RNF213: variants seen among roughly 807,000 people sequenced by gnomAD.
RNF213 encodes the protein E3 ubiquitin-protein ligase RNF213.
A neutral mutation model predicts 514.4 loss-of-function variants in RNF213; 341 were observed. The ratio of observed to expected loss-of-function variants is 0.66; its 90% CI spans 0.61 to 0.73. RNF213 has a LOEUF of 0.73. Among genes scored for constraint, RNF213 ranks in the 30% least tolerant of loss-of-function variants. RNF213 has a pLI of 0.00. For synonymous variants in RNF213, 2,655 were observed against 2,658.2 expected (o/e 1.00, Z 0.04); for missense variants, 5,767 against 6,615.6 (o/e 0.87, Z 4.45).
At chr17:80,295,440 G>A in intron 9 of RNF213, 117 bp from the exon 10 acceptor site, 1 of 1,302,166 alleles carries the variant, frequency 7.7e-7, no homozygotes, top group Non-Finnish European at 1.1e-6. Flanking sequence ...TCTCACAGGT[G>A]TGGTGGTGGG....
chr17:80,373,674 G>C (rs2079616354), intron 49 of RNF213, among the ~76,000 whole-genome samples: 1 of 152,142 alleles, frequency 6.6e-6, no homozygotes, highest in African/African-American at 2.4e-5. Context: ...GCAAGAGCAA[G>C]AACTAGGAAT....
Position 80,353,188 on chromosome 17 carries a change from C to T in RNF213, c.10423+129C>T, listed in dbSNP as rs2078595531. The T allele has an allele frequency of 3.1e-6, 4 of 1,287,616 alleles. No homozygotes were observed. The African/African-American group carries it at 5.8e-5, about 19-fold the overall frequency. The allele number at this position is 1,287,616 out of a possible 1,614,324, so 79.8% of individuals were successfully genotyped here. Reference sequence around the variant, plus strand: ...TCGTCCCTCGGCAGGAGCTCGGGGACACATCTGCAGAACTGACTGGTGGCT... The same window carrying T: ...TCGTCCCTCGGCAGGAGCTCGGGGATACATCTGCAGAACTGACTGGTGGCT... On this transcript the variant is annotated intron_variant, in intron 33 of 67. Transcript: ENST00000582970. This position sits in a 1 kb window ranked among gnomAD's most constrained non-coding sequence, Gnocchi z 5.0.
Position 80,377,884 on chromosome 17 carries a change from T to G in RNF213, c.13545+88T>G. 6.8e-7 allele frequency: 1 copy of G among 1,467,222 alleles called. No individual in the cohort carries two copies. Among genetic ancestry groups the G allele is most frequent in the Admixed American group, 1.7e-5 (1 of 59,794 alleles). 90.9% of individuals were successfully genotyped at this position (1,467,222 alleles called of 1,614,324 possible). A position where few individuals can be genotyped will look rare whatever the true frequency, so the allele number is the denominator to read the frequency against. On this transcript the variant is annotated intron_variant, in intron 54 of 67. Coordinates refer to ENST00000582970, the MANE Select transcript of RNF213 (RefSeq NM_001256071.3). This position sits in a 1 kb window ranked among gnomAD's most constrained non-coding sequence, Gnocchi z 4.1. ...GGATCGTGGGTCAGGAGAGTGAGGC[T>G]CTCGGCCTTCCAGGAGAGCACAGGC...
At chr17:80,280,135 C>T (rs8069507) in intron 3 of RNF213, among the ~76,000 whole-genome samples, 77,448 of 152,146 alleles carry the variant, frequency 0.51, 20,081 homozygotes, top group East Asian at 0.62. Context: ...CCTGCAGCTC[C>T]TGGGAAATGC....
At position 80,328,782 on chromosome 17, in the gene RNF213, A is replaced by G. The variant is rs2046341787; in HGVS notation, c.3517+305A>G. ...CACACATTTCTGGTCTGTGCCCTGC[A>G]CACATCACCTTTCCACCTCCTGTTG... On this transcript the variant is annotated intron_variant, in intron 20 of 67. Transcript: ENST00000582970. 2.6e-5 allele frequency among the ~76,000 whole-genome samples: 4 copies of G among 152,326 alleles called. No homozygotes were observed. The South Asian group carries it at 8.3e-4, about 32-fold the overall frequency.
Position 80,386,252 on chromosome 17 carries a change from G to A in RNF213, c.14542G>A (p.Glu4848Lys). 1 of 1,607,654 alleles carries A rather than the reference G, an allele frequency of 6.2e-7. No homozygotes were observed. Among genetic ancestry groups the A allele is most frequent in the African/African-American group, 1.3e-5 (1 of 75,028 alleles). The change falls in exon 62 of 68, where the codon GAG (glutamate) becomes AAG (lysine). Residue 4848 changes from glutamate to lysine, a missense_variant and splice_region_variant. Around this residue, in one of 13 missense-constraint regions of RNF213, gnomAD observed 1,245 missense variants for 1,339.0 expected, o/e 0.93. Transcript: ENST00000582970. ...KLRRSLETNG[E>K]INLPKDYCST... Reference sequence around the variant, plus strand: ...AAGCATAACCCTGTCGTTTAAAGGTGAGATCAACCTACCCAAAGACTACTG... The same window carrying A: ...AAGCATAACCCTGTCGTTTAAAGGTAAGATCAACCTACCCAAAGACTACTG...
At chr17:80,384,975 T>C (rs1057202411) in intron 59 of RNF213, 64 bp from the exon 60 acceptor site, 61 of 1,569,066 alleles carry the variant, frequency 3.9e-5, no homozygotes, top group Non-Finnish European at 4.4e-6. Context: ...TCTCAAAGTC[T>C]GTAACCCCAA....
At chr17:80,379,865 A>G in intron 55 of RNF213, 151 bp downstream of exon 55, 1 of 711,892 alleles carries the variant, frequency 1.4e-6, no homozygotes, top group Non-Finnish European at 2.5e-6. Flanking sequence ...CCAAAGTCCC[A>G]GCAGTCACAC....
At chr17:80,305,139 A>C (rs1335696019) in intron 11 of RNF213, among the ~76,000 whole-genome samples, 1 of 150,324 alleles carries the variant, frequency 6.7e-6, no homozygotes, top group African/African-American at 2.5e-5. Context: ...TTGGCCTCCC[A>C]AGTTGTGGGG....
chr17:80,300,119 C>A (rs1377694518), intron 11 of RNF213, among the ~76,000 whole-genome samples: 1 of 152,172 alleles, frequency 6.6e-6, no homozygotes, highest in Non-Finnish European at 1.5e-5. Flanking sequence ...TGTGGAATTG[C>A]CACACTGTCT....
intron 10 of RNF213, among the ~76,000 whole-genome samples, chr17:80,296,613 A>G (rs1328354178): frequency 1.3e-5 from 2 of 152,236 alleles, no homozygotes; most frequent in Admixed American, 1.3e-4. Flanking sequence ...TTTGAACGTG[A>G]GAATGACATT....
chr17:80,334,079 G>C, intron 21 of RNF213, 26 bp from the exon 22 acceptor site: 1 of 1,537,040 alleles, frequency 6.5e-7, no homozygotes. Flanking sequence ...ATGAGTTCCA[G>C]TCCACAGTAG....
At chr17:80,355,470 G>A (rs1242036830) in intron 36 of RNF213, among the ~76,000 whole-genome samples, 18 of 103,348 alleles carry the variant, frequency 1.7e-4, no homozygotes, top group Non-Finnish European at 3.8e-4. Flanking sequence ...AGGGGTGACC[G>A]GGAATGGGGG....
At chr17:80,378,949 G>T (rs1166808809) in intron 54 of RNF213, among the ~76,000 whole-genome samples, 2 of 152,208 alleles carry the variant, frequency 1.3e-5, no homozygotes, top group African/African-American at 4.8e-5. Context: ...TGAGGCAGGT[G>T]GATTGCTAGA....
At chr17:80,369,912 T>G in intron 46 of RNF213, 45 bp downstream of exon 46, 1 of 1,319,830 alleles carries the variant, frequency 7.6e-7, no homozygotes, top group Non-Finnish European at 1.1e-6. Flanking sequence ...CCTGGCTTTT[T>G]CTCTTCATCG....
intron 29 of RNF213, 136 bp downstream of exon 29, chr17:80,348,422 C>T (rs909418453): frequency 1.6e-6 from 2 of 1,277,110 alleles, no homozygotes; most frequent in Non-Finnish European, 2.2e-6. Context: ...GAGCTCTCCT[C>T]CGCGGTAAGT....
chr17:80,334,509 A>AAGCT (rs757723915), intron 22 of RNF213: 3 of 400,944 alleles, frequency 7.5e-6, no homozygotes, highest in Non-Finnish European at 1.3e-5. Flanking sequence ...GCCACTTCGG[A>AAGCT]AGCTGTAAAT....
At position 80,289,772 on chromosome 17, in the gene RNF213, A is replaced by C. The variant is rs1217994039; in HGVS notation, c.1047A>C (p.Ala349=). Residue 349 remains alanine (A), a synonymous_variant, in exon 6 of 68, where the codon GCA becomes GCC. Coordinates refer to ENST00000582970, the MANE Select transcript of RNF213 (RefSeq NM_001256071.3). ...AGCCAGAGGGGAAGAACAGAAGTGCAGCTGCTGTGAAAAACGAGAAGGAGC... is the reference window on the plus strand; with the variant it reads ...AGCCAGAGGGGAAGAACAGAAGTGCCGCTGCTGTGAAAAACGAGAAGGAGC... ...LKKPEGKNRS[A]AAVKNEKEQK... 2 of 1,613,766 alleles carry C rather than the reference A, an allele frequency of 1.2e-6. No individual in the cohort carries two copies. The highest frequency in any genetic ancestry group is 2.7e-5 in the African/African-American group (2 of 74,898).
chr17:80,346,997 G>T lies in RNF213; in HGVS notation c.8662G>T (p.Ala2888Ser). The change falls in exon 29 of 68, where the codon GCC becomes TCC. Residue 2888 changes from alanine (A) to serine (S), a missense_variant. Transcript: ENST00000582970. This position sits in a 1 kb window ranked among gnomAD's most constrained non-coding sequence, Gnocchi z 8.1. Reference sequence around the variant, plus strand: ...CGGCTTCGTGGGCATCTCCAACTGGGCCCTTGACCCTGCCAAGATGAACCG... The same window carrying T: ...CGGCTTCGTGGGCATCTCCAACTGGTCCCTTGACCCTGCCAAGATGAACCG... ...KVGFVGISNW[A>S]LDPAKMNRGI... 1 of 1,613,808 alleles carries T rather than the reference G, an allele frequency of 6.2e-7. No individual in the cohort carries two copies. The highest frequency in any genetic ancestry group is 8.5e-7 in the Non-Finnish European group (1 of 1,179,870).
Sources: allele counts gnomAD v4.1 joint callset (sites outside exome capture counted in the v4.1 genomes callset), GRCh38; gene constraint gnomAD v4.1.1; regional missense constraint gnomAD v4.1.1; non-coding constraint Gnocchi (gnomAD v3.1); transcripts MANE v1.5; gene names NCBI Gene and HGNC (gene_info 2026-07-23, HGNC 2026-07-21).